The following ZNF395 variants were observed in gnomAD, a reference collection of about 807,000 sequenced individuals.
ZNF395 encodes zinc finger protein 395, also known as HD gene regulatory region-binding protein 2.
In ZNF395, 20 loss-of-function variants were observed where a neutral mutation model predicts 57.7. The observed-to-expected ratio is 0.35, with a 90% CI of 0.24 to 0.50. The LOEUF (loss-of-function observed/expected upper bound fraction) is 0.50, where lower values mean the gene tolerates loss of function less well. Among genes scored for constraint, ZNF395 ranks in the 20% least tolerant of loss-of-function variants. ZNF395 has a pLI of 0.97. For synonymous variants in ZNF395, 295 were observed against 275.9 expected (o/e 1.07, Z -0.69); for missense variants, 606 against 671.2 (o/e 0.90, Z 1.07).
intron 9 of ZNF395, 106 bp from the exon 10 acceptor site, chr8:28,348,936 G>T: frequency 1.5e-6 from 2 of 1,301,416 alleles, no homozygotes; most frequent in Non-Finnish European, 1.1e-6. Flanking sequence ...GGCAGCTCCC[G>T]GCAAAAGTCA....
At chr8:28,380,577 G>A (rs1476113398) in intron 1 of ZNF395, among the ~76,000 whole-genome samples, 4 of 152,066 alleles carry the variant, frequency 2.6e-5, no homozygotes, top group Non-Finnish European at 5.9e-5. Flanking sequence ...GTTTCACATA[G>A]GATTGTTAAA....
chr8:28,386,041 C>G (rs1802175629), intron 1 of ZNF395: 1 of 147,276 alleles, frequency 6.8e-6, no homozygotes, highest in Non-Finnish European at 1.5e-5. Flanking sequence ...GCCCGGCTTC[C>G]CCGGCTCGGA....
chr8:28,358,389 C>A (rs757459904), intron 3 of ZNF395, among the ~76,000 whole-genome samples: 38 of 151,744 alleles, frequency 2.5e-4, no homozygotes, highest in Non-Finnish European at 5.0e-4. Flanking sequence ...GGATTACAGG[C>A]GTGAGCCACC....
chr8:28,385,572 C>G (rs1247053516), intron 1 of ZNF395, among the ~76,000 whole-genome samples: 1 of 150,158 alleles, frequency 6.7e-6, no homozygotes, highest in Admixed American at 6.6e-5. Context: ...CTGTCCCGCC[C>G]GTCCCGCAGC....
intron 6 of ZNF395, 67 bp from the exon 7 acceptor site, chr8:28,351,874 G>A (rs1399214782): frequency 1.6e-5 from 24 of 1,489,618 alleles, no homozygotes; most frequent in South Asian, 4.0e-5. Flanking sequence ...CGGGGACCGC[G>A]GTAGGGAGGG....
chr8:28,383,608 A>G (rs1802136429), intron 1 of ZNF395, among the ~76,000 whole-genome samples: 1 of 152,140 alleles, frequency 6.6e-6, no homozygotes, highest in Non-Finnish European at 1.5e-5. Flanking sequence ...TTCCAACTTC[A>G]GGTTCAGAAC....
At chr8:28,385,823 A>T (rs1313756498) in intron 1 of ZNF395, among the ~76,000 whole-genome samples, 1 of 145,926 alleles carries the variant, frequency 6.9e-6, no homozygotes, top group Non-Finnish European at 1.5e-5. Flanking sequence ...AGCGGCAGCC[A>T]CCCCGCCCGC....
At chr8:28,369,091 C>T (rs1025253717) in intron 1 of ZNF395, among the ~76,000 whole-genome samples, 2 of 151,958 alleles carry the variant, frequency 1.3e-5, no homozygotes, top group African/African-American at 4.8e-5. Context: ...CCACCTCGGC[C>T]TCCCAAAGTG....
Position 28,361,170 on chromosome 8 carries a change from C to G in ZNF395, c.-46G>C. The G allele has an allele frequency of 6.2e-7, 1 of 1,606,150 alleles. No individual in the cohort carries two copies. The highest frequency in any genetic ancestry group is 1.3e-5 in the African/African-American group (1 of 75,050). On this transcript the variant is annotated 5_prime_UTR_variant, in exon 2 of 10. Coordinates refer to ENST00000344423, the MANE Select transcript of ZNF395 (RefSeq NM_018660.3). ...GCGGAGGCGAAGGGGACACTGAAGC[C>G]TCTGCCCATCACCTGGGGGAATCAG... is the stretch of plus-strand genomic sequence containing the variant.
intron 4 of ZNF395, among the ~76,000 whole-genome samples, chr8:28,354,125 G>A (rs1394870514): frequency 1.3e-5 from 2 of 152,204 alleles, no homozygotes; most frequent in Non-Finnish European, 2.9e-5. Context: ...AGCAATTCTG[G>A]TCATCGCAAG....
chr8:28,363,770 T>C (rs1218855165), intron 1 of ZNF395, among the ~76,000 whole-genome samples: 1 of 152,226 alleles, frequency 6.6e-6, no homozygotes, highest in Non-Finnish European at 1.5e-5. Flanking sequence ...CCTGAAATGT[T>C]TGGCCAACAA....
chr8:28,352,506 G>A lies in ZNF395; in HGVS notation c.920+67C>T. 7.0e-7 allele frequency: 1 copy of A among 1,428,236 alleles called. No homozygotes were observed. Among genetic ancestry groups the A allele is most frequent in the Non-Finnish European group, 9.8e-7 (1 of 1,019,286 alleles). The allele number at this position is 1,428,236 out of a possible 1,614,324, so 88.5% of individuals were successfully genotyped here. A position where few individuals can be genotyped will look rare whatever the true frequency, so the allele number is the denominator to read the frequency against. On this transcript the variant is annotated intron_variant, in intron 6 of 9. Coordinates refer to ENST00000344423, the MANE Select transcript of ZNF395 (RefSeq NM_018660.3). The surrounding 1 kb of genome is among the most constrained non-coding windows in gnomAD (Gnocchi z 4.0). ...AAAGCACTGTGGGCTGTGGGTCACA[G>A]GGACTCGGCAGGGTGGAGGGACACC...
rs759396357 is a variant in ZNF395, at chr8:28,361,105, C to T, written c.20G>A (p.Arg7Gln). Residue 7 changes from arginine (R) to glutamine (Q), a missense_variant, in exon 2 of 10, where the codon CGA (arginine) becomes CAA (glutamine). Transcript: ENST00000344423. MASVLS[R>Q]RLGKRSLLGA... ...CAGGAGGGACCGCTTTCCAAGGCGT[C>T]GGGACAGGACACTCGCCATGCTGCT... is the stretch of plus-strand genomic sequence containing the variant. The T allele has an allele frequency of 1.3e-5, 21 of 1,612,260 alleles. No individual in the cohort carries two copies. Among genetic ancestry groups the T allele is most frequent in the African/African-American group, 4.0e-5 (3 of 74,912 alleles).
chr8:28,359,476 T>C lies in ZNF395; in HGVS notation c.473+116A>G. On this transcript the variant is annotated intron_variant, in intron 3 of 9. Transcript: ENST00000344423. This position sits in a 1 kb window ranked among gnomAD's most constrained non-coding sequence, Gnocchi z 4.7. ...TTTCTGTGTCCCATTTGTCCCAATA[T>C]CTTGGCACCCAGATGCCAATGACAC... The C allele has an allele frequency of 1.4e-6, 2 of 1,387,516 alleles. No individual in the cohort carries two copies. The highest frequency in any genetic ancestry group is 1.9e-6 in the Non-Finnish European group (2 of 1,033,932). 86.0% of individuals were successfully genotyped at this position (1,387,516 alleles called of 1,614,324 possible).
At chr8:28,375,613 A>G (rs1035806831) in intron 1 of ZNF395, among the ~76,000 whole-genome samples, 1 of 152,086 alleles carries the variant, frequency 6.6e-6, no homozygotes, top group African/African-American at 2.4e-5. Context: ...CTGTATGTAA[A>G]TTACACCTCA....
Position 28,351,724 on chromosome 8 carries a change from G to A in ZNF395, c.1004C>T (p.Ala335Val). ...GGTGCCTGCGGCAGCAGCAGCAGCA[G>A]CAGCAGCAGATTCCTCCTTCAGCTG... ...EVQLKEESAA[A>V]AAAAAAGTPV... Residue 335 changes from alanine (A) to valine (V), a missense_variant, in exon 7 of 10, where the codon GCT (alanine) becomes GTT (valine). Coordinates refer to ENST00000344423, the MANE Select transcript of ZNF395 (RefSeq NM_018660.3). 3.1e-6 allele frequency: 5 copies of A among 1,607,702 alleles called. No individual in the cohort carries two copies. The highest frequency in any genetic ancestry group is 4.2e-6 in the Non-Finnish European group (5 of 1,179,756).
chr8:28,360,815 C>G, intron 2 of ZNF395, 70 bp downstream of exon 2: 1 of 1,570,790 alleles, frequency 6.4e-7, no homozygotes, highest in South Asian at 1.2e-5. Context: ...CGGCCTGTCA[C>G]TAGGGCACCC....
In ZNF395 at chr8:28,377,110, C is replaced by A. The variant is rs115255684; in HGVS notation, c.-59+9283G>T. On this transcript the variant is annotated intron_variant, in intron 1 of 9. Transcript: ENST00000344423. ...AACAACAAAAGTAATCCAAAAATAT[C>A]AGGAAGAGGAATCTAAAAGTTTTAA... 6.7e-3 allele frequency among the ~76,000 whole-genome samples: 1,020 copies of A among 152,256 alleles called. 8 individuals are homozygous for A. The highest frequency in any genetic ancestry group is 0.024 in the African/African-American group (981 of 41,526).
chr8:28,349,064 C>G (rs780077427), intron 9 of ZNF395, 61 bp downstream of exon 9: 4 of 1,497,752 alleles, frequency 2.7e-6, no homozygotes, highest in Non-Finnish European at 3.6e-6. Flanking sequence ...GGGTCGGAGT[C>G]CACGCCACTG....
Sources: allele counts gnomAD v4.1 joint callset (sites outside exome capture counted in the v4.1 genomes callset), GRCh38; gene constraint gnomAD v4.1.1; non-coding constraint Gnocchi (gnomAD v3.1); transcripts MANE v1.5; gene names NCBI Gene and HGNC (gene_info 2026-07-23, HGNC 2026-07-21).